NELL1: variants seen among roughly 807,000 people sequenced by gnomAD.
NELL1 encodes the protein neural EGFL like 1, also known as protein kinase C-binding protein NELL1.
NELL1 carries 76 observed loss-of-function variants against 107.4 expected under a neutral mutation model. The observed-to-expected ratio is 0.71, with a 90% CI of 0.59 to 0.86. The LOEUF (loss-of-function observed/expected upper bound fraction) is 0.86. Among genes scored for constraint, NELL1 ranks in the 40% least tolerant of loss-of-function variants. The pLI is 0.00. For missense variants in NELL1, 1,024 were observed against 1,005.5 expected (o/e 1.02, Z -0.25); for synonymous variants, 353 against 341.2 (o/e 1.03, Z -0.38).
At chr11:20,705,918 C>T (rs143422780) in intron 2 of NELL1, among the ~76,000 whole-genome samples, 1 of 152,122 alleles carries the variant, frequency 6.6e-6, no homozygotes, top group African/African-American at 2.4e-5. Flanking sequence ...TGAAAAAATG[C>T]TCATCATGAC....
chr11:21,432,297 G>A (rs369302793), intron 15 of NELL1, among the ~76,000 whole-genome samples: 6 of 152,060 alleles, frequency 3.9e-5, no homozygotes, highest in African/African-American at 1.4e-4. Flanking sequence ...AGATAGCTAT[G>A]AAAATAAAAA....
intron 2 of NELL1, among the ~76,000 whole-genome samples, chr11:20,774,281 TTCCCTTCCTTCCTTTTTTCCTCCC>T (rs1398826437): frequency 7.0e-6 from 1 of 142,610 alleles, no homozygotes; most frequent in East Asian, 2.1e-4. Context: ...CTTCCTTTCT[TTCCCTTCCTTCCTTTTTTCCTCCC>T]TCCCTTCCTC....
At chr11:20,876,625 C>T (rs1200307843) in intron 4 of NELL1, among the ~76,000 whole-genome samples, 3 of 152,068 alleles carry the variant, frequency 2.0e-5, no homozygotes, top group East Asian at 1.9e-4. Context: ...ATTAGCTGGG[C>T]GCAGTGGCGG....
chr11:21,423,764 A>C (rs760077817), intron 15 of NELL1, among the ~76,000 whole-genome samples: 16 of 152,230 alleles, frequency 1.1e-4, no homozygotes, highest in Non-Finnish European at 1.8e-4. Context: ...GATAAATGCT[A>C]TACAGTGTAT....
chr11:20,702,015 C>G (rs1407894145), intron 2 of NELL1, among the ~76,000 whole-genome samples: 1 of 152,062 alleles, frequency 6.6e-6, no homozygotes, highest in Non-Finnish European at 1.5e-5. Flanking sequence ...TCCATATGAA[C>G]TTTAAAGTAG....
chr11:20,939,714 A>G (rs1257319095), intron 10 of NELL1, among the ~76,000 whole-genome samples: 1 of 152,114 alleles, frequency 6.6e-6, no homozygotes, highest in Non-Finnish European at 1.5e-5. Context: ...GGGAAGGGAG[A>G]CTGGATCAGA....
intron 2 of NELL1, among the ~76,000 whole-genome samples, chr11:20,708,512 G>T (rs923649821): frequency 6.6e-6 from 1 of 151,948 alleles, no homozygotes; most frequent in African/African-American, 2.4e-5. Flanking sequence ...TTGGCCATTT[G>T]TATATCTTCT....
intron 12 of NELL1, among the ~76,000 whole-genome samples, chr11:21,068,623 C>T (rs1516748): frequency 0.79 from 120,626 of 152,148 alleles, 48,115 homozygotes; most frequent in East Asian, 1. Flanking sequence ...CACATTTGTA[C>T]GCAGAGATAA....
chr11:21,031,467 T>C (rs1381376918), intron 12 of NELL1, among the ~76,000 whole-genome samples: 1 of 152,224 alleles, frequency 6.6e-6, no homozygotes, highest in Non-Finnish European at 1.5e-5. Context: ...GGAGACAGAT[T>C]GAGAACACAT....
chr11:21,518,498 G>T (rs1312932674), intron 15 of NELL1, among the ~76,000 whole-genome samples: 1 of 152,164 alleles, frequency 6.6e-6, no homozygotes, highest in Non-Finnish European at 1.5e-5. Context: ...GTCTTTAAAG[G>T]GATAGGTTTA....
Position 21,007,390 on chromosome 11 carries a change from C to G in NELL1, c.1300+46830C>G, listed in dbSNP as rs199634957. Among the ~76,000 whole-genome samples the G allele has an allele frequency of 6.4e-5, 5 of 78,000 alleles. No individual in the cohort carries two copies. The South Asian group carries it at 3.1e-3, about 48-fold the overall frequency. The allele number at this position is 78,000 out of a possible 152,430, so 51.2% of individuals were successfully genotyped here. A position where few individuals can be genotyped will look rare whatever the true frequency, so the allele number is the denominator to read the frequency against. On this transcript the variant is annotated intron_variant, in intron 12 of 19. Coordinates refer to ENST00000357134, the MANE Select transcript of NELL1 (RefSeq NM_006157.5). The stretch of plus-strand genomic sequence containing the variant: ...GTATGTGTATGTACACACACACAGA[C>G]ACACACACACACACACACACACAGA...
intron 15 of NELL1, among the ~76,000 whole-genome samples, chr11:21,483,147 T>A (rs1316408083): frequency 6.6e-6 from 1 of 152,154 alleles, no homozygotes; most frequent in Non-Finnish European, 1.5e-5. Flanking sequence ...GTACTTATAG[T>A]ATAGTATAGC....
At chr11:20,834,468 G>A (rs1451526342) in intron 3 of NELL1, among the ~76,000 whole-genome samples, 2 of 152,046 alleles carry the variant, frequency 1.3e-5, no homozygotes, top group East Asian at 1.9e-4. Flanking sequence ...CTAGACTGGA[G>A]ATATAAATTT....
At chr11:20,694,887 T>A (rs570919863) in intron 2 of NELL1, among the ~76,000 whole-genome samples, 1 of 152,198 alleles carries the variant, frequency 6.6e-6, no homozygotes, top group South Asian at 2.1e-4. Context: ...TTGGATTATA[T>A]GGTCATTTTA....
intron 13 of NELL1, among the ~76,000 whole-genome samples, chr11:21,183,749 A>C (rs1202060423): frequency 6.6e-6 from 1 of 151,768 alleles, no homozygotes; most frequent in Admixed American, 6.6e-5. Context: ...AACCATGCCG[A>C]CCCAACAGAT....
At chr11:21,332,174 C>T (rs1850286699) in intron 14 of NELL1, among the ~76,000 whole-genome samples, 1 of 151,914 alleles carries the variant, frequency 6.6e-6, no homozygotes, top group Non-Finnish European at 1.5e-5. Context: ...GTCATAATGC[C>T]CCATTGGTTA....
intron 12 of NELL1, among the ~76,000 whole-genome samples, chr11:20,983,892 A>G (rs1425688771): frequency 2.0e-5 from 3 of 152,120 alleles, no homozygotes; most frequent in Non-Finnish European, 4.4e-5. Context: ...AACCTTCAGG[A>G]TCTCTCTGCC....
intron 5 of NELL1, among the ~76,000 whole-genome samples, chr11:20,892,104 C>T (rs972892953): frequency 2.0e-5 from 3 of 152,184 alleles, no homozygotes; most frequent in African/African-American, 7.2e-5. Context: ...AAATCAACCA[C>T]ATAATTGGAC....
At chr11:20,760,363 C>T (rs991700895) in intron 2 of NELL1, among the ~76,000 whole-genome samples, 1 of 152,340 alleles carries the variant, frequency 6.6e-6, no homozygotes, top group East Asian at 1.9e-4. Flanking sequence ...TTCTCTGCTA[C>T]TCAGTCTGTG....
Sources: allele counts gnomAD v4.1 joint callset (sites outside exome capture counted in the v4.1 genomes callset), GRCh38; gene constraint gnomAD v4.1.1; transcripts MANE v1.5; gene names NCBI Gene and HGNC (gene_info 2026-07-23, HGNC 2026-07-21).